The following CELSR1 variants were observed in gnomAD, a reference collection of about 807,000 sequenced individuals.
CELSR1 encodes the protein adhesion G protein-coupled receptor C1.
CELSR1 carries 110 observed loss-of-function variants against 249.1 expected under a neutral mutation model. The observed-to-expected ratio is 0.44, with a 90% confidence interval of 0.38 to 0.52. The LOEUF (loss-of-function observed/expected upper bound fraction) is 0.52, where lower values mean the gene tolerates loss of function less well. CELSR1 is among the 20% of genes least tolerant of loss of function. The pLI, the probability that CELSR1 is intolerant of heterozygous loss-of-function variation, is 0.00. For missense variants in CELSR1, 4,109 were observed against 4,296.4 expected (o/e 0.96, Z 1.22); for synonymous variants, 2,113 against 1,900.0 (o/e 1.11, Z -2.92).
chr22:46,394,185 A>G lies in CELSR1; in HGVS notation c.5921T>C (p.Phe1974Ser). ...GTTGGTCTTATTACAGTCGGGATCA[A>G]AGCCTTTGCTGACGGCACAGTGGCA... ...GPCHCAVSKG[F>S]DPDCNKTNGQ... is the part of the protein sequence containing the mutation. The change falls in exon 14 of 35, where the codon TTT becomes TCT. Residue 1974 changes from phenylalanine (F) to serine (S), a missense_variant. This residue lies in a region of CELSR1 where 1,805 missense variants were observed against 1,831.6 expected (regional missense o/e 0.99). Coordinates refer to ENST00000674500, the MANE Select transcript of CELSR1 (RefSeq NM_001378328.1). The G allele has an allele frequency of 5.0e-6, 8 of 1,614,102 alleles. No homozygotes were observed. Among genetic ancestry groups the G allele is most frequent in the Non-Finnish European group, 6.8e-6 (8 of 1,179,982 alleles).
At chr22:46,439,926 G>A (rs190493682) in intron 2 of CELSR1, among the ~76,000 whole-genome samples, 307 of 150,008 alleles carry the variant, frequency 2.0e-3, no homozygotes, top group African/African-American at 7.1e-3. Flanking sequence ...ACTGCCGTCC[G>A]CCCTCCCACC....
chr22:46,537,254 G>A lies in CELSR1; in HGVS notation c.-84C>T, dbSNP rs1602257233. 3.0e-6 allele frequency: 3 copies of A among 1,007,934 alleles called. No individual in the cohort carries two copies. Among genetic ancestry groups the A allele is most frequent in the South Asian group, 4.5e-5 (1 of 22,180 alleles). 62.4% of individuals were successfully genotyped at this position (1,007,934 alleles called of 1,614,324 possible). ...TCCGCATCCACCCGGCGAGGCCGGG[G>A]AGCGGCTCCCGGGCGCCCGGCCCTC... On this transcript the variant is annotated 5_prime_UTR_variant, in exon 1 of 35. Coordinates refer to ENST00000674500, the MANE Select transcript of CELSR1 (RefSeq NM_001378328.1). The surrounding 1 kb of genome is among the most constrained non-coding windows in gnomAD (Gnocchi z 5.8).
chr22:46,396,062 T>C lies in CELSR1; in HGVS notation c.5843+543A>G, dbSNP rs901017487. 1.3e-5 allele frequency among the ~76,000 whole-genome samples: 2 copies of C among 152,212 alleles called. No individual in the cohort carries two copies. The highest frequency in any genetic ancestry group is 2.9e-5 in the Non-Finnish European group (2 of 68,032). ...GAGGACTCCAGGTGAGTCATTTGCA[T>C]GTTTCAGGTGTGGACACATGATCCA... On this transcript the variant is annotated intron_variant, in intron 13 of 34. Coordinates refer to ENST00000674500, the MANE Select transcript of CELSR1 (RefSeq NM_001378328.1). The surrounding 1 kb of genome is among the most constrained non-coding windows in gnomAD (Gnocchi z 6.4).
In CELSR1 at chr22:46,409,321, TCA is replaced by T. The variant is rs548274338; in HGVS notation, c.5060-161_5060-160del. On this transcript the variant is annotated intron_variant, in intron 8 of 34. Coordinates refer to ENST00000674500, the MANE Select transcript of CELSR1 (RefSeq NM_001378328.1). This position sits in a 1 kb window ranked among gnomAD's most constrained non-coding sequence, Gnocchi z 9.8. ...CTCCCCTCTGTGACGCATCCAGCCCTCACAGTCAGCCACGTGGGCTCCAGAGA... is the reference window on the plus strand; with the variant it reads ...CTCCCCTCTGTGACGCATCCAGCCCTCAGTCAGCCACGTGGGCTCCAGAGA... Among the ~76,000 whole-genome samples the T allele has an allele frequency of 1.1e-3, 162 of 152,266 alleles. 1 individual carries two copies. The highest frequency in any genetic ancestry group is 2.0e-3 in the Non-Finnish European group (138 of 67,998).
At position 46,404,304 on chromosome 22, in the gene CELSR1, C is replaced by G. The variant is rs554103382; in HGVS notation, c.5227-4402G>C. Among the ~76,000 whole-genome samples the G allele has an allele frequency of 1.7e-4, 25 of 151,330 alleles. No homozygotes were observed. The South Asian group carries it at 2.1e-3, about 13-fold the overall frequency. Reference sequence around the variant, plus strand: ...GCACACACCTGTAATCTCAGCTACTCGGGAGGCTGAGGTAGGAGAATCCCT... The same window carrying G: ...GCACACACCTGTAATCTCAGCTACTGGGGAGGCTGAGGTAGGAGAATCCCT... On this transcript the variant is annotated intron_variant, in intron 9 of 34. Transcript: ENST00000674500.
At chr22:46,457,200 C>A (rs1372692552) in intron 2 of CELSR1, among the ~76,000 whole-genome samples, 6 of 152,126 alleles carry the variant, frequency 3.9e-5, no homozygotes, top group African/African-American at 1.4e-4. Context: ...CAAAAATTAA[C>A]CAAGAGTGGT....
At chr22:46,394,472 C>T (rs1019223873) in intron 13 of CELSR1, among the ~76,000 whole-genome samples, 2 of 152,180 alleles carry the variant, frequency 1.3e-5, no homozygotes, top group Admixed American at 6.5e-5. Context: ...ATGCCCAAAG[C>T]GACTGGGATG....
In CELSR1 at chr22:46,430,502, C is replaced by T. The variant is rs1239858707; in HGVS notation, c.4611+2891G>A. Among the ~76,000 whole-genome samples the T allele has an allele frequency of 6.6e-6, 1 of 152,062 alleles. No individual in the cohort carries two copies. Among genetic ancestry groups the T allele is most frequent in the Non-Finnish European group, 1.5e-5 (1 of 68,008 alleles). On this transcript the variant is annotated intron_variant, in intron 5 of 34. Transcript: ENST00000674500. The surrounding 1 kb of genome is among the most constrained non-coding windows in gnomAD (Gnocchi z 4.6). ...ACCCTTGCAGCCCCAGCCCTGAGCC[C>T]CTCTCAACTGGTCATGGCCCTGGAC...
chr22:46,462,283 A>G (rs1180742476), intron 2 of CELSR1, among the ~76,000 whole-genome samples: 1 of 152,124 alleles, frequency 6.6e-6, no homozygotes, highest in Admixed American at 6.5e-5. Context: ...CCTTCCTTCC[A>G]CCTGCCATAT....
chr22:46,492,837 G>A (rs950029801), intron 1 of CELSR1, among the ~76,000 whole-genome samples: 2 of 151,858 alleles, frequency 1.3e-5, no homozygotes, highest in African/African-American at 2.4e-5. Context: ...CAGTTTGGGC[G>A]ACAGTGACTC....
chr22:46,415,618 GA>G (rs201223525), intron 5 of CELSR1, among the ~76,000 whole-genome samples: 3,050 of 148,306 alleles, frequency 0.021, 101 homozygotes, highest in African/African-American at 0.072. Context: ...CCTCAATAAG[GA>G]AAAAATTAAA....
chr22:46,414,645 T>TCCCGCCTCTCGGCGAGTGTGGGTTTAAC (rs1569146550), intron 5 of CELSR1, among the ~76,000 whole-genome samples: 1 of 147,210 alleles, frequency 6.8e-6, no homozygotes. Flanking sequence ...CCGTCCACTC[T>TCCCGCCTCTCGGCGAGTGTGGGTTTAAC]GCAGTTGAGG....
chr22:46,515,464 TAGAC>T (rs1459677540), intron 1 of CELSR1, among the ~76,000 whole-genome samples: 2 of 151,984 alleles, frequency 1.3e-5, no homozygotes, highest in Non-Finnish European at 2.9e-5. Flanking sequence ...ATGAAGGCCT[TAGAC>T]AGAAAATAGG....
At chr22:46,439,550 T>A in intron 2 of CELSR1, 139 bp from the exon 3 acceptor site, 1 of 679,516 alleles carries the variant, frequency 1.5e-6, no homozygotes, top group Non-Finnish European at 2.5e-6. Flanking sequence ...CCAGGACAGG[T>A]CTGTGACATG....
intron 1 of CELSR1, among the ~76,000 whole-genome samples, chr22:46,523,822 C>G (rs1470699727): frequency 6.6e-6 from 1 of 152,088 alleles, no homozygotes; most frequent in Non-Finnish European, 1.5e-5. Flanking sequence ...CCCACCAGTC[C>G]TTCACTCTAC....
At chr22:46,494,933 GA>G (rs1166308717) in intron 1 of CELSR1, among the ~76,000 whole-genome samples, 2 of 152,304 alleles carry the variant, frequency 1.3e-5, no homozygotes, top group East Asian at 3.9e-4. Flanking sequence ...CCAGCACACA[GA>G]AACACATTTT....
chr22:46,439,455 G>A (rs1433228684), intron 2 of CELSR1, 44 bp from the exon 3 acceptor site: 1 of 1,537,604 alleles, frequency 6.5e-7, no homozygotes, highest in Admixed American at 1.9e-5. Context: ...TTACCGACCA[G>A]CCAGGGAAAA....
Position 46,393,767 on chromosome 22 carries a change from G to A in CELSR1, c.5964+375C>T, listed in dbSNP as rs2079119408. Among the ~76,000 whole-genome samples, 1 of 151,832 alleles carries A rather than the reference G, an allele frequency of 6.6e-6. No individual in the cohort carries two copies. The highest frequency in any genetic ancestry group is 2.4e-5 in the African/African-American group (1 of 41,370). On this transcript the variant is annotated intron_variant, in intron 14 of 34. Transcript: ENST00000674500. The surrounding 1 kb of genome is among the most constrained non-coding windows in gnomAD (Gnocchi z 4.1). ...AAAAAAAAAAAAAGACCAGGAAAAT[G>A]GCCAACCAGGAGGCCAGGAGGGCCG...
At chr22:46,461,023 G>A (rs1211094741) in intron 2 of CELSR1, among the ~76,000 whole-genome samples, 2 of 152,146 alleles carry the variant, frequency 1.3e-5, no homozygotes, top group South Asian at 4.1e-4. Flanking sequence ...TTCCAACCTT[G>A]CAACCGTGAG....
Sources: allele counts gnomAD v4.1 joint callset (sites outside exome capture counted in the v4.1 genomes callset), GRCh38; gene constraint gnomAD v4.1.1; regional missense constraint gnomAD v4.1.1; non-coding constraint Gnocchi (gnomAD v3.1); transcripts MANE v1.5; gene names NCBI Gene and HGNC (gene_info 2026-07-23, HGNC 2026-07-21).